Variants in PASK observed in about 807,000 individuals in gnomAD.
The protein encoded by PASK is PAS domain containing serine/threonine kinase, also known as PAS domain-containing serine/threonine-protein kinase.
Under a neutral mutation model 121.0 loss-of-function variants are expected in PASK, and 110 were observed. The observed-to-expected ratio is 0.91, with a 90% CI of 0.78 to 1.06. The LOEUF (loss-of-function observed/expected upper bound fraction) is 1.06. Among genes scored for constraint, PASK ranks in the 50% least tolerant of loss-of-function variants. The pLI, the probability that PASK is intolerant of heterozygous loss-of-function variation, is 0.00. For missense variants in PASK, 1,643 were observed against 1,702.3 expected, an observed-to-expected ratio of 0.97 and a Z score of 0.61; for synonymous variants, 686 against 717.8, an observed-to-expected ratio of 0.96 and a Z score of 0.71.
intron 9 of PASK, 108 bp from the exon 10 acceptor site, chr2:241,127,559 A>G: frequency 1.1e-6 from 1 of 930,156 alleles, no homozygotes; most frequent in Non-Finnish European, 1.7e-6. Flanking sequence ...TAATGCCACC[A>G]ATTTATAACA....
intron 9 of PASK, among the ~76,000 whole-genome samples, chr2:241,129,501 G>A (rs1465454721): frequency 6.6e-6 from 1 of 152,226 alleles, no homozygotes; most frequent in Non-Finnish European, 1.5e-5. Flanking sequence ...AAACTGCAGA[G>A]GTCAAGGGAA....
At chr2:241,137,454 T>C (rs2066489557) in intron 6 of PASK, among the ~76,000 whole-genome samples, 190 bp from the exon 7 acceptor site, 1 of 151,416 alleles carries the variant, frequency 6.6e-6, no homozygotes, top group Non-Finnish European at 1.5e-5. Flanking sequence ...CTTCTGTGGG[T>C]GGGGAGGACT....
Position 241,106,609 on chromosome 2 carries a change from T to C in PASK, c.3929A>G (p.Gln1310Arg), listed in dbSNP as rs1474237572. 1 of 1,614,246 alleles carries C rather than the reference T, an allele frequency of 6.2e-7. No homozygotes were observed. Among genetic ancestry groups the C allele is most frequent in the Non-Finnish European group, 8.5e-7 (1 of 1,180,042 alleles). The change falls in exon 18 of 18, where the codon CAA (glutamine) becomes CGA (arginine). Residue 1310 changes from glutamine to arginine, a missense_variant. Physicochemically the swap from Gln to Arg is conservative, Grantham distance 43. This residue lies in a region of PASK where 453 missense variants were observed against 511.2 expected (regional missense o/e 0.89). Transcript: ENST00000234040. ...GPVPGEAPNG[Q>R]GCLHPGDPRL... is the part of the protein sequence containing the mutation. ...GGGATCCCCGGGATGCAAACAGCCTTGGCCATTAGGAGCCTCGCCTGGAAC... is the reference window on the plus strand; with the variant it reads ...GGGATCCCCGGGATGCAAACAGCCTCGGCCATTAGGAGCCTCGCCTGGAAC...
upstream of PASK, chr2:241,149,688 C>T (rs753423342): frequency 3.9e-6 from 6 of 1,549,914 alleles, no homozygotes; most frequent in African/African-American, 1.4e-5. Flanking sequence ...GCGGTTTCCT[C>T]CCGACTCGCG....
chr2:241,146,892 T>C (rs1482581237), intron 1 of PASK, among the ~76,000 whole-genome samples: 1 of 152,172 alleles, frequency 6.6e-6, no homozygotes, highest in Non-Finnish European at 1.5e-5. Context: ...CTTTATTCTT[T>C]TGTATGAATA....
chr2:241,135,593 C>T (rs1229486107), intron 8 of PASK, among the ~76,000 whole-genome samples: 2 of 151,970 alleles, frequency 1.3e-5, no homozygotes, highest in Admixed American at 6.6e-5. Context: ...AGCTGTGTCT[C>T]GGATGCTGTG....
chr2:241,149,508 C>A, upstream of PASK: 1 of 733,684 alleles, frequency 1.4e-6, no homozygotes, highest in Non-Finnish European at 2.2e-6. Flanking sequence ...CAGCGACTAG[C>A]ACCGATTGAC....
At chr2:241,123,335 C>T (rs1365126308) in intron 11 of PASK, among the ~76,000 whole-genome samples, 3 of 152,006 alleles carry the variant, frequency 2.0e-5, no homozygotes, top group South Asian at 2.1e-4. Flanking sequence ...ACCACTATGC[C>T]CGGCTAAATT....
intron 8 of PASK, among the ~76,000 whole-genome samples, chr2:241,135,540 T>C (rs2066370870): frequency 6.6e-6 from 1 of 152,154 alleles, no homozygotes; most frequent in African/African-American, 2.4e-5. Flanking sequence ...TTAAACTACA[T>C]GAAGCTATAT....
At chr2:241,144,159 T>G (rs567451633) in intron 1 of PASK, among the ~76,000 whole-genome samples, 4 of 151,628 alleles carry the variant, frequency 2.6e-5, no homozygotes, top group African/African-American at 9.7e-5. Context: ...CGTGTGTGTG[T>G]GCGCGCATGT....
At chr2:241,127,765 G>A (rs891986308) in intron 9 of PASK, 4 of 400,014 alleles carry the variant, frequency 1.0e-5, no homozygotes, top group South Asian at 2.1e-5. Context: ...CCCGTCAGCC[G>A]TGCAGCCTAG....
Position 241,140,571 on chromosome 2 carries a change from C to A in PASK, c.379G>T (p.Val127Leu), listed in dbSNP as rs769557555. The A allele has an allele frequency of 4.3e-6, 7 of 1,614,128 alleles. No homozygotes were observed. Among genetic ancestry groups the A allele is most frequent in the Middle Eastern group, 1.6e-4 (1 of 6,062 alleles). The change falls in exon 3 of 18, where the codon GTG (valine) becomes TTG (leucine). Residue 127 changes from valine to leucine, a missense_variant. Physicochemically the swap from Val to Leu is conservative, Grantham distance 32. Coordinates refer to ENST00000234040, the MANE Select transcript of PASK (RefSeq NM_015148.4). ...GWSSPLLPAP[V>L]CNPNKAIFTV... ...AAGATGGCCTTGTTAGGGTTGCACA[C>A]AGGGGCCGGAAGCAGAGGTGAGGAC...
In PASK at chr2:241,112,241, G is replaced by A; in HGVS notation, c.3532C>T (p.Pro1178Ser). The A allele has an allele frequency of 6.2e-7, 1 of 1,611,948 alleles. No individual in the cohort carries two copies. Among genetic ancestry groups the A allele is most frequent in the Non-Finnish European group, 8.5e-7 (1 of 1,178,130 alleles). Residue 1178 changes from proline to serine, a missense_variant and splice_region_variant, in exon 15 of 18, where the codon CCC becomes TCC. By Grantham distance (74) the Pro-to-Ser change is moderately conservative (BLOSUM62 -1). Transcript: ENST00000234040. This position sits in a 1 kb window ranked among gnomAD's most constrained non-coding sequence, Gnocchi z 5.2. ...GCCGCACCGCAGCCGCATACGTACG[G>A]ATTCCCCATGAGAACTTCCGGTGCA... is the stretch of plus-strand genomic sequence containing the variant. ...YCAPEVLMGNPYRGPELEMWS... is the reference protein window; with the variant it reads ...YCAPEVLMGNSYRGPELEMWS...
intron 9 of PASK, 150 bp downstream of exon 9, chr2:241,132,724 G>A (rs928098902): frequency 1.3e-5 from 9 of 713,468 alleles, no homozygotes; most frequent in African/African-American, 8.7e-5. Context: ...AGCAGTCAGT[G>A]TGTGTGGAAG....
intron 10 of PASK, among the ~76,000 whole-genome samples, chr2:241,124,623 T>C (rs1411628068): frequency 6.6e-6 from 1 of 152,238 alleles, no homozygotes; most frequent in Non-Finnish European, 1.5e-5. Context: ...CCCACTTACA[T>C]AGAGAAAGCA....
intron 9 of PASK, among the ~76,000 whole-genome samples, chr2:241,128,354 G>A (rs2065971930): frequency 6.6e-6 from 1 of 152,192 alleles, no homozygotes; most frequent in South Asian, 2.1e-4. Flanking sequence ...CTCCTAAGAG[G>A]TGGCACACAA....
chr2:241,137,178 G>T lies in PASK; in HGVS notation c.963C>A (p.Ser321Arg). ...CCGCCTCACCGGTGGTCGCCTCCTC[G>T]CTGCTGGGTTGGGATTTCAGCTTTA... ...LSLKLKSQPS[S>R]EEATTGEAAP... The change falls in exon 7 of 18, where the codon AGC (serine) becomes AGA (arginine). Residue 321 changes from serine to arginine, a missense_variant. By Grantham distance (110) the Ser-to-Arg change is moderately radical. This residue lies in a region of PASK where 1,176 missense variants were observed against 1,162.2 expected (regional missense o/e 1.01). Coordinates refer to ENST00000234040, the MANE Select transcript of PASK (RefSeq NM_015148.4). 1 of 1,612,594 alleles carries T rather than the reference G, an allele frequency of 6.2e-7. No homozygotes were observed.
intron 12 of PASK, chr2:241,119,022 T>G: frequency 1.2e-6 from 1 of 853,222 alleles, no homozygotes; most frequent in Non-Finnish European, 1.4e-6. Flanking sequence ...GAGCAGCCCG[T>G]TCCCAGCCCT....
Position 241,138,706 on chromosome 2 carries a change from A to G in PASK, c.689T>C (p.Val230Ala). 6.2e-7 allele frequency: 1 copy of G among 1,614,162 alleles called. No homozygotes were observed. Among genetic ancestry groups the G allele is most frequent in the Non-Finnish European group, 8.5e-7 (1 of 1,180,028 alleles). Residue 230 changes from valine (V) to alanine (A), a missense_variant, in exon 5 of 18, where the codon GTG (valine) becomes GCG (alanine). This residue lies in a region of PASK where 1,176 missense variants were observed against 1,162.2 expected (regional missense o/e 1.01). Transcript: ENST00000234040. ...GACCCTCTCCACGGGCTCCAGGACC[A>G]CCACGCAGCATAGGCGGCGCTCCTG... ...MRQERRLCCV[V>A]VLEPVERVST...
Sources: allele counts gnomAD v4.1 joint callset (sites outside exome capture counted in the v4.1 genomes callset), GRCh38; gene constraint gnomAD v4.1.1; regional missense constraint gnomAD v4.1.1; non-coding constraint Gnocchi (gnomAD v3.1); transcripts MANE v1.5; gene names NCBI Gene and HGNC (gene_info 2026-07-23, HGNC 2026-07-21).